DGKI: variants seen among roughly 807,000 people sequenced by gnomAD.
The protein encoded by DGKI is DAG kinase iota.
In DGKI, 55 loss-of-function variants were observed where a neutral mutation model predicts 147.5. The observed-to-expected ratio is 0.37, with a 90% CI of 0.30 to 0.47. The LOEUF (loss-of-function observed/expected upper bound fraction) is 0.47. Among genes scored for constraint, DGKI ranks in the 20% least tolerant of loss-of-function variants. The pLI, the probability that DGKI is intolerant of heterozygous loss-of-function variation, is 1.00. For missense variants in DGKI, 1,007 were observed against 1,323.8 expected (o/e 0.76, Z 3.71); for synonymous variants, 469 against 477.1 (o/e 0.98, Z 0.22).
intron 1 of DGKI, among the ~76,000 whole-genome samples, chr7:137,803,402 G>T (rs533804687): frequency 8.4e-4 from 128 of 152,214 alleles, no homozygotes; most frequent in Non-Finnish European, 6.6e-4. Flanking sequence ...CTGTATTTTT[G>T]ATTCTGATAT....
At chr7:137,838,558 C>G (rs1188590192) in intron 1 of DGKI, among the ~76,000 whole-genome samples, 6 of 151,986 alleles carry the variant, frequency 3.9e-5, no homozygotes, top group Non-Finnish European at 8.8e-5. Context: ...TTCTCATGTA[C>G]AAAGGAATGA....
intron 1 of DGKI, among the ~76,000 whole-genome samples, chr7:137,790,820 A>G (rs1484863325): frequency 1.3e-5 from 2 of 152,236 alleles, no homozygotes; most frequent in Admixed American, 6.5e-5. Context: ...TGAAGATTAA[A>G]TTAGATAACC....
At chr7:137,609,657 G>C in intron 8 of DGKI, 48 bp from the exon 9 acceptor site, 1 of 1,432,702 alleles carries the variant, frequency 7.0e-7, no homozygotes, top group Non-Finnish European at 9.8e-7. Flanking sequence ...GCCAGCCCAG[G>C]AGCTTTCCCA....
At chr7:137,582,003 G>T in intron 14 of DGKI, 75 bp from the exon 15 acceptor site, 1 of 1,209,510 alleles carries the variant, frequency 8.3e-7, no homozygotes, top group Non-Finnish European at 1.2e-6. Flanking sequence ...CCTAAAGCTG[G>T]ACCCCTATCT....
chr7:137,732,242 A>T (rs1206207441), intron 1 of DGKI, among the ~76,000 whole-genome samples: 1 of 152,074 alleles, frequency 6.6e-6, no homozygotes, highest in Non-Finnish European at 1.5e-5. Flanking sequence ...GCTTATAGGT[A>T]GGTATTCAAT....
In DGKI at chr7:137,653,624, C is replaced by G. The variant is rs142855715; in HGVS notation, c.738+1108G>C. On this transcript the variant is annotated intron_variant, in intron 5 of 32. Transcript: ENST00000614521. ...CTTAACTTAGTTAGCTCCTTAAGGT[C>G]TCAGCTTAATTGCCGCCTCTTCCAG... is the stretch of plus-strand genomic sequence containing the variant. 2.1e-3 allele frequency among the ~76,000 whole-genome samples: 326 copies of G among 152,312 alleles called. 1 individual carries two copies. The highest frequency in any genetic ancestry group is 7.3e-3 in the African/African-American group (302 of 41,570).
chr7:137,741,617 C>T (rs1204672011), intron 1 of DGKI, among the ~76,000 whole-genome samples: 6 of 152,176 alleles, frequency 3.9e-5, no homozygotes, highest in African/African-American at 1.4e-4. Flanking sequence ...TAAGATGAAA[C>T]AAACCACAGG....
At chr7:137,545,612 C>T (rs901178160) in intron 20 of DGKI, among the ~76,000 whole-genome samples, 3 of 152,276 alleles carry the variant, frequency 2.0e-5, no homozygotes, top group Non-Finnish European at 2.9e-5. Context: ...TTATGCACTT[C>T]CCATAAAAAC....
intron 1 of DGKI, among the ~76,000 whole-genome samples, chr7:137,827,126 G>T (rs1798080117): frequency 6.6e-6 from 1 of 152,142 alleles, no homozygotes; most frequent in South Asian, 2.1e-4. Context: ...GGAGTGTCTG[G>T]AGGCATGGCA....
At chr7:137,759,420 C>T (rs1795787809) in intron 1 of DGKI, among the ~76,000 whole-genome samples, 1 of 152,050 alleles carries the variant, frequency 6.6e-6, no homozygotes, top group Non-Finnish European at 1.5e-5. Flanking sequence ...CAGCTCACTG[C>T]AACCTCCGCC....
intron 20 of DGKI, 117 bp from the exon 21 acceptor site, chr7:137,522,083 C>T (rs1311601663): frequency 7.2e-6 from 5 of 698,336 alleles, no homozygotes; most frequent in Non-Finnish European, 9.3e-6. Context: ...AGTTCACATT[C>T]AAACCAGAAA....
At chr7:137,618,882 C>T (rs1413878162) in intron 8 of DGKI, among the ~76,000 whole-genome samples, 5 of 152,054 alleles carry the variant, frequency 3.3e-5, no homozygotes, top group Non-Finnish European at 5.9e-5. Context: ...TAATTTTATT[C>T]GTAAACATTA....
chr7:137,582,132 C>T (rs1220538375), intron 14 of DGKI, among the ~76,000 whole-genome samples: 1 of 151,990 alleles, frequency 6.6e-6, no homozygotes, highest in African/African-American at 2.4e-5. Flanking sequence ...GTAATTTTCT[C>T]AAGAATTATA....
At chr7:137,461,879 T>A (rs6963562) in intron 27 of DGKI, among the ~76,000 whole-genome samples, 20,749 of 152,154 alleles carry the variant, frequency 0.14, 3,132 homozygotes, top group African/African-American at 0.38. Context: ...AAAAGATAGT[T>A]TAACGCAAAC....
At chr7:137,427,411 G>A (rs1335125360) in intron 28 of DGKI, among the ~76,000 whole-genome samples, 2 of 152,008 alleles carry the variant, frequency 1.3e-5, no homozygotes, top group East Asian at 1.9e-4. Context: ...GTGTGTAGAG[G>A]GACATTTATA....
chr7:137,618,852 C>T (rs1820641477), intron 8 of DGKI, among the ~76,000 whole-genome samples: 1 of 152,016 alleles, frequency 6.6e-6, no homozygotes, highest in South Asian at 2.1e-4. Context: ...AAAAAATATC[C>T]CAAGGGCTTC....
At chr7:137,465,450 C>A (rs529528122) in intron 26 of DGKI, among the ~76,000 whole-genome samples, 1 of 151,990 alleles carries the variant, frequency 6.6e-6, no homozygotes, top group East Asian at 1.9e-4. Flanking sequence ...CACTATGAAG[C>A]GGTGGTAGAA....
chr7:137,572,969 C>T, intron 17 of DGKI, 131 bp from the exon 18 acceptor site: 2 of 601,074 alleles, frequency 3.3e-6, no homozygotes, highest in Non-Finnish European at 5.7e-6. Context: ...TAAGTGAATG[C>T]CGGTCACAGT....
chr7:137,593,156 G>T (rs530891006), intron 12 of DGKI, among the ~76,000 whole-genome samples: 1 of 152,280 alleles, frequency 6.6e-6, no homozygotes, highest in African/African-American at 2.4e-5. Context: ...TTAATGTCAG[G>T]CCTTTTGGAA....
Sources: gnomAD v4.1 joint callset for allele counts (sites outside exome capture counted in the v4.1 genomes callset) on GRCh38, gnomAD v4.1.1 for gene constraint, MANE v1.5 for transcripts, NCBI Gene and HGNC (gene_info 2026-07-23, HGNC 2026-07-21) for gene names.